DERA: variants seen among roughly 807,000 people sequenced by gnomAD.
DERA encodes the protein deoxyribose-phosphate aldolase, also known as 2-deoxy-D-ribose 5-phosphate aldolase.
DERA carries 15 observed loss-of-function variants against 41.1 expected under a neutral mutation model. That is an observed-to-expected ratio of 0.37 (90% CI 0.24 to 0.56). The LOEUF is 0.56. Among genes scored for constraint, DERA ranks in the 20% least tolerant of loss-of-function variants. DERA has a pLI of 0.81. For synonymous variants in DERA, 139 were observed against 137.4 expected (o/e 1.01, Z -0.08); for missense variants, 396 against 403.4 (o/e 0.98, Z 0.16).
chr12:15,952,589 A>T (rs945137987), intron 1 of DERA, among the ~76,000 whole-genome samples: 3 of 152,260 alleles, frequency 2.0e-5, no homozygotes, highest in Non-Finnish European at 4.4e-5. Context: ...TACTTAGCCA[A>T]GTGTACCCCA....
chr12:15,995,655 A>T lies in DERA; in HGVS notation c.637+13219A>T, dbSNP rs991583868. Among the ~76,000 whole-genome samples, 1 of 152,134 alleles carries T rather than the reference A, an allele frequency of 6.6e-6. No individual in the cohort carries two copies. The highest frequency in any genetic ancestry group is 6.5e-5 in the Admixed American group (1 of 15,272). ...GCTGAAGGCAGTCTGAAAATGAAGGAATAGAGTAGGGAGGATGGAGGGGTA... is the reference window on the plus strand; with the variant it reads ...GCTGAAGGCAGTCTGAAAATGAAGGTATAGAGTAGGGAGGATGGAGGGGTA... On this transcript the variant is annotated intron_variant, in intron 6 of 8. Transcript: ENST00000428559. The surrounding 1 kb of genome is among the most constrained non-coding windows in gnomAD (Gnocchi z 5.1).
At chr12:15,962,430 G>A (rs536418328) in intron 4 of DERA, among the ~76,000 whole-genome samples, 8 of 152,298 alleles carry the variant, frequency 5.3e-5, no homozygotes, top group African/African-American at 1.9e-4. Context: ...TTTGGACCCA[G>A]AACTAGTGTG....
At chr12:15,914,237 C>G (rs775295969) in intron 1 of DERA, among the ~76,000 whole-genome samples, 1 of 152,094 alleles carries the variant, frequency 6.6e-6, no homozygotes, top group Non-Finnish European at 1.5e-5. Flanking sequence ...CAAAAATTAG[C>G]TGGGCATAGT....
At chr12:16,006,872 T>C (rs1021401951) in intron 6 of DERA, among the ~76,000 whole-genome samples, 1 of 152,234 alleles carries the variant, frequency 6.6e-6, no homozygotes, top group South Asian at 2.1e-4. Context: ...ATTCCTTCTT[T>C]GGTTACTTTA....
Position 15,970,457 on chromosome 12 carries a change from T to G in DERA, c.508+7510T>G, listed in dbSNP as rs1404695123. Reference sequence around the variant, plus strand: ...TAGAGCAGTGCTTTTCCAGAATACTTAGCAGATTGCCAGCCGCTTCAAAAT... The same window carrying G: ...TAGAGCAGTGCTTTTCCAGAATACTGAGCAGATTGCCAGCCGCTTCAAAAT... On this transcript the variant is annotated intron_variant, in intron 5 of 8. Coordinates refer to ENST00000428559, the MANE Select transcript of DERA (RefSeq NM_015954.4). The surrounding 1 kb of genome is among the most constrained non-coding windows in gnomAD (Gnocchi z 4.3). Among the ~76,000 whole-genome samples, 1 of 152,188 alleles carries G rather than the reference T, an allele frequency of 6.6e-6. No homozygotes were observed. Among genetic ancestry groups the G allele is most frequent in the African/African-American group, 2.4e-5 (1 of 41,458 alleles).
chr12:15,974,107 C>T (rs1191871384), intron 5 of DERA, among the ~76,000 whole-genome samples: 2 of 151,872 alleles, frequency 1.3e-5, no homozygotes, highest in Non-Finnish European at 2.9e-5. Context: ...TTTTCTGGAC[C>T]ATTTGGGAAT....
chr12:16,002,877 G>A (rs1378562194), intron 6 of DERA, among the ~76,000 whole-genome samples: 2 of 152,004 alleles, frequency 1.3e-5, no homozygotes, highest in Admixed American at 6.6e-5. Flanking sequence ...CTCCTCCCCT[G>A]CCCCAGCTTT....
chr12:16,002,559 A>C (rs1948882565), intron 6 of DERA, among the ~76,000 whole-genome samples: 1 of 152,144 alleles, frequency 6.6e-6, no homozygotes, highest in East Asian at 1.9e-4. Context: ...TTTTATAGTC[A>C]CGTACTCATC....
intron 7 of DERA, among the ~76,000 whole-genome samples, chr12:16,034,090 T>C (rs1428203453): frequency 6.6e-6 from 1 of 152,228 alleles, no homozygotes; most frequent in South Asian, 2.1e-4. Context: ...GTGAAGCTTT[T>C]CATACTTACA....
Position 15,970,375 on chromosome 12 carries a change from TCTTA to T in DERA, c.508+7433_508+7436del, listed in dbSNP as rs1948651673. On this transcript the variant is annotated intron_variant, in intron 5 of 8. Transcript: ENST00000428559. This position sits in a 1 kb window ranked among gnomAD's most constrained non-coding sequence, Gnocchi z 4.3. ...GGAAACAGTCTTTAAACGCTTGGAT[TCTTA>T]CTTAAATCATAATTTTATACATATA... Among the ~76,000 whole-genome samples the T allele has an allele frequency of 6.6e-6, 1 of 152,318 alleles. No individual in the cohort carries two copies. Among genetic ancestry groups the T allele is most frequent in the African/African-American group, 2.4e-5 (1 of 41,580 alleles).
At chr12:15,942,527 G>A (rs1948415964) in intron 1 of DERA, among the ~76,000 whole-genome samples, 1 of 152,170 alleles carries the variant, frequency 6.6e-6, no homozygotes, top group Admixed American at 6.5e-5. Flanking sequence ...GTCTTGAGAT[G>A]ATTTTTGTAT....
intron 1 of DERA, among the ~76,000 whole-genome samples, chr12:15,942,057 T>G (rs140334491): frequency 6.6e-6 from 1 of 152,234 alleles, no homozygotes. Flanking sequence ...TGGTCATTCT[T>G]GCAGGAGTAA....
In DERA at chr12:15,915,348, A is replaced by G. The variant is rs1439013574; in HGVS notation, c.31+3934A>G. On this transcript the variant is annotated intron_variant, in intron 1 of 8. Transcript: ENST00000428559. This position sits in a 1 kb window ranked among gnomAD's most constrained non-coding sequence, Gnocchi z 4.8. ...GGGATTTAGGGAGCTCATTTTTGGC[A>G]TTCCTGCTAAAGTATAACTTGGGTA... is the stretch of plus-strand genomic sequence containing the variant. 6.6e-6 allele frequency among the ~76,000 whole-genome samples: 1 copy of G among 152,216 alleles called. No homozygotes were observed. Among genetic ancestry groups the G allele is most frequent in the African/African-American group, 2.4e-5 (1 of 41,464 alleles).
At chr12:16,023,334 C>A (rs1007516396) in intron 6 of DERA, among the ~76,000 whole-genome samples, 9 of 152,184 alleles carry the variant, frequency 5.9e-5, no homozygotes, top group African/African-American at 1.9e-4. Context: ...ACCTTAAACA[C>A]AGCCCAACTC....
In DERA at chr12:15,988,206, G is replaced by C. The variant is rs867778097; in HGVS notation, c.637+5770G>C. Reference sequence around the variant, plus strand: ...GGGCCGCAGCTCCTTCTTCCTTCTCGTTACCTGCAATGTGGTGAGTCGGGG... The same window carrying C: ...GGGCCGCAGCTCCTTCTTCCTTCTCCTTACCTGCAATGTGGTGAGTCGGGG... On this transcript the variant is annotated intron_variant, in intron 6 of 8. Transcript: ENST00000428559. This position sits in a 1 kb window ranked among gnomAD's most constrained non-coding sequence, Gnocchi z 6.0. Among the ~76,000 whole-genome samples, 22 of 152,134 alleles carry C rather than the reference G, an allele frequency of 1.4e-4. No individual in the cohort carries two copies. The highest frequency in any genetic ancestry group is 5.3e-4 in the African/African-American group (22 of 41,434).
Position 15,994,152 on chromosome 12 carries a change from G to C in DERA, c.637+11716G>C, listed in dbSNP as rs1462175182. ...AGAAAAATTCACAGGTGCAAAGACTGGTACATAGTAAATGCCTAGTACATG... is the reference window on the plus strand; with the variant it reads ...AGAAAAATTCACAGGTGCAAAGACTCGTACATAGTAAATGCCTAGTACATG... On this transcript the variant is annotated intron_variant, in intron 6 of 8. Transcript: ENST00000428559. This position sits in a 1 kb window ranked among gnomAD's most constrained non-coding sequence, Gnocchi z 4.8. Among the ~76,000 whole-genome samples, 1 of 152,136 alleles carries C rather than the reference G, an allele frequency of 6.6e-6. No individual in the cohort carries two copies. The highest frequency in any genetic ancestry group is 1.5e-5 in the Non-Finnish European group (1 of 68,020).
At chr12:15,961,597 T>C (rs1048573372) in intron 4 of DERA, among the ~76,000 whole-genome samples, 2 of 152,214 alleles carry the variant, frequency 1.3e-5, no homozygotes, top group African/African-American at 4.8e-5. Context: ...ACAGTATTTA[T>C]ATAGAATTGA....
At chr12:15,956,634 A>C in intron 1 of DERA, 1 of 431,722 alleles carries the variant, frequency 2.3e-6, no homozygotes. Flanking sequence ...CCACGTCGTT[A>C]GACATGTCTG....
In DERA at chr12:16,036,804, C is replaced by T. The variant is rs182777797; in HGVS notation, c.*58C>T. On this transcript the variant is annotated 3_prime_UTR_variant, in exon 9 of 9. Transcript: ENST00000428559. The surrounding 1 kb of genome is among the most constrained non-coding windows in gnomAD (Gnocchi z 4.9). ...ACAATGTTTAAAAATTATTTTTCTA[C>T]GTAATTGCTAAAATTATTTAATTAA... is the stretch of plus-strand genomic sequence containing the variant. 42 of 1,264,600 alleles carry T rather than the reference C, an allele frequency of 3.3e-5. No homozygotes were observed. Among genetic ancestry groups the T allele is most frequent in the Middle Eastern group, 1.9e-4 (1 of 5,314 alleles). The allele number at this position is 1,264,600 out of a possible 1,614,324, so 78.3% of individuals were successfully genotyped here. A position where few individuals can be genotyped will look rare whatever the true frequency, so the allele number is the denominator to read the frequency against.
Sources: allele counts gnomAD v4.1 joint callset (sites outside exome capture counted in the v4.1 genomes callset), GRCh38; gene constraint gnomAD v4.1.1; non-coding constraint Gnocchi (gnomAD v3.1); transcripts MANE v1.5; gene names NCBI Gene and HGNC (gene_info 2026-07-23, HGNC 2026-07-21).